The following FANCB variants were observed in gnomAD, a reference collection of about 807,000 sequenced individuals.
FANCB encodes the protein FA complementation group B.
Under a neutral mutation model 38.9 loss-of-function variants are expected in FANCB, and 5 were observed. The ratio of observed to expected loss-of-function variants is 0.13; its 90% CI spans 0.07 to 0.27. The LOEUF (loss-of-function observed/expected upper bound fraction) is 0.27. Ranked by LOEUF, FANCB falls within the 10% of genes least tolerant of loss-of-function variation. FANCB has a pLI of 1.00. For missense variants in FANCB, 573 were observed against 602.7 expected (o/e 0.95, Z 0.52); for synonymous variants, 236 against 215.4 (o/e 1.10, Z -0.84).
At chrX:14,769,109 C>T in the FANCB span, among the ~76,000 whole-genome samples, 5 of 110,661 alleles carry the variant, frequency 4.5e-5, no homozygotes, top group African/African-American at 1.6e-4. Context: ...AGGATATTGG[C>T]CTGAAGTTTT....
chrX:14,858,202 C>T (rs1196147266), intron 4 of FANCB, among the ~76,000 whole-genome samples: 2 of 110,394 alleles, frequency 1.8e-5, no homozygotes, highest in African/African-American at 3.3e-5. Flanking sequence ...GACCAGCCTG[C>T]CCACAACATG....
chrX:14,836,420 C>T (rs1328388764), intron 10 of FANCB, among the ~76,000 whole-genome samples: 1 of 111,766 alleles, frequency 8.9e-6, no homozygotes, highest in Non-Finnish European at 1.9e-5. Context: ...GTTTTTTCAA[C>T]TACAACAAAT....
chrX:14,834,830 A>T, downstream of FANCB: 2 of 556,066 alleles, frequency 3.6e-6, no homozygotes, highest in Non-Finnish European at 6.3e-6. Flanking sequence ...CATCATCATC[A>T]TCATCTTCAT....
At chrX:14,790,136 C>A in the FANCB span, among the ~76,000 whole-genome samples, 2 of 111,808 alleles carry the variant, frequency 1.8e-5, no homozygotes. Flanking sequence ...AGACCAAAAT[C>A]CCTGCCATTA....
At chrX:14,813,366 A>G in the FANCB span, among the ~76,000 whole-genome samples, 1 of 109,860 alleles carries the variant, frequency 9.1e-6, no homozygotes, top group Admixed American at 9.7e-5. Flanking sequence ...GGAAAAGAGG[A>G]AGTCAAATTG....
At chrX:14,870,465 G>A (rs2092490862) in intron 1 of FANCB, among the ~76,000 whole-genome samples, 1 of 110,759 alleles carries the variant, frequency 9.0e-6, no homozygotes, top group Non-Finnish European at 1.9e-5. Context: ...GGTGCGGGGC[G>A]GGGCGTGGAG....
chrX:14,801,921 G>A, the FANCB span, among the ~76,000 whole-genome samples: 1 of 111,220 alleles, frequency 9.0e-6, no homozygotes, highest in South Asian at 3.8e-4. Context: ...TGGACAATAA[G>A]AAGCGCTCTG....
At chrX:14,812,404 T>A in the FANCB span, among the ~76,000 whole-genome samples, 5 of 109,672 alleles carry the variant, frequency 4.6e-5, no homozygotes, top group South Asian at 7.7e-4. Flanking sequence ...TCAACAAAAT[T>A]GATAGACTGC....
intron 1 of FANCB, among the ~76,000 whole-genome samples, chrX:14,869,804 T>C (rs1276464791): frequency 8.9e-6 from 1 of 112,158 alleles, no homozygotes; most frequent in Non-Finnish European, 1.9e-5. Flanking sequence ...AAGCTTAGCA[T>C]GGCATTCAAA....
chrX:14,871,640 G>GTA (rs751128085), intron 1 of FANCB, among the ~76,000 whole-genome samples: 28 of 73,503 alleles, frequency 3.8e-4, no homozygotes, highest in Admixed American at 6.7e-4. Context: ...GTGTGTGTGT[G>GTA]TATATATATA....
At chrX:14,718,609 C>G in the FANCB span, among the ~76,000 whole-genome samples, 3 of 111,726 alleles carry the variant, frequency 2.7e-5, no homozygotes, top group Admixed American at 9.5e-5. Context: ...TATTTGACAG[C>G]TAGGAGTCAG....
At chrX:14,724,626 C>CAAAAAAAAAAAAAAAAA in the FANCB span, among the ~76,000 whole-genome samples, 14 of 49,581 alleles carry the variant, frequency 2.8e-4, no homozygotes, top group Admixed American at 9.5e-4. Context: ...AACTCTGTCT[C>CAAAAAAAAAAAAAAAAA]AAAAAAAAAA....
intron 5 of FANCB, among the ~76,000 whole-genome samples, chrX:14,854,097 T>C (rs1404817042): frequency 8.9e-6 from 1 of 112,383 alleles, no homozygotes; most frequent in Non-Finnish European, 1.9e-5. Flanking sequence ...ATTATTCCTA[T>C]ATGTTACCTT....
chrX:14,825,424 G>C, the FANCB span, among the ~76,000 whole-genome samples: 1 of 110,882 alleles, frequency 9.0e-6, no homozygotes, highest in Non-Finnish European at 1.9e-5. Flanking sequence ...ATTTTATATT[G>C]ATCTATATCT....
the FANCB span, among the ~76,000 whole-genome samples, chrX:14,753,714 A>G: frequency 2.7e-5 from 3 of 110,981 alleles, no homozygotes; most frequent in African/African-American, 6.6e-5. Context: ...GTAAGCCCCA[A>G]TGAACAAAGA....
downstream of FANCB, among the ~76,000 whole-genome samples, chrX:14,831,475 A>G (rs771067851): frequency 1.8e-5 from 2 of 112,007 alleles, no homozygotes; most frequent in South Asian, 7.5e-4. Flanking sequence ...TGAATGGGAA[A>G]GTAGGATTGA....
the FANCB span, among the ~76,000 whole-genome samples, chrX:14,809,462 G>A: frequency 2.7e-5 from 3 of 111,546 alleles, no homozygotes; most frequent in African/African-American, 6.5e-5. Context: ...CTGGAAAATC[G>A]GGTCACTCCC....
At chrX:14,839,958 C>T (rs752071020), downstream of FANCB, among the ~76,000 whole-genome samples, 1 of 110,345 alleles carries the variant, frequency 9.1e-6, no homozygotes, top group Non-Finnish European at 1.9e-5. Flanking sequence ...AGGGTTCAAG[C>T]GATTCTCCTG....
At chrX:14,715,161 A>G in the FANCB span, among the ~76,000 whole-genome samples, 2 of 112,289 alleles carry the variant, frequency 1.8e-5, no homozygotes, top group Non-Finnish European at 3.8e-5. Context: ...GATTCTTAAC[A>G]GGGTGAATCT....
Sources: allele counts gnomAD v4.1 joint callset (sites outside exome capture counted in the v4.1 genomes callset), GRCh38; gene constraint gnomAD v4.1.1; transcripts MANE v1.5; gene names NCBI Gene and HGNC (gene_info 2026-07-23, HGNC 2026-07-21).